EPHB1: variants seen among roughly 807,000 people sequenced by gnomAD.
EPHB1 encodes the protein EPH receptor B1.
Under a neutral mutation model 94.4 loss-of-function variants are expected in EPHB1, and 30 were observed. The observed-to-expected ratio is 0.32, with a 90% CI of 0.24 to 0.43. EPHB1 has a LOEUF of 0.43. Among genes scored for constraint, EPHB1 ranks in the 20% least tolerant of loss-of-function variants. The pLI, the probability that EPHB1 is intolerant of heterozygous loss-of-function variation, is 1.00. For synonymous variants in EPHB1, 522 were observed against 489.1 expected (o/e 1.07, Z -0.89); for missense variants, 1,055 against 1,308.3 (o/e 0.81, Z 2.99).
At chr3:134,801,799 A>G (rs2035939827) in intron 1 of EPHB1, among the ~76,000 whole-genome samples, 1 of 152,052 alleles carries the variant, frequency 6.6e-6, no homozygotes, top group African/African-American at 2.4e-5. Flanking sequence ...GGGGGCATTG[A>G]GTGGTGAGGT....
rs534497179 is a variant in EPHB1, at chr3:135,197,817, G to GT, written c.2131-3646dup. Among the ~76,000 whole-genome samples, 981 of 147,886 alleles carry GT rather than the reference G, an allele frequency of 6.6e-3. 10 individuals carry two copies. The highest frequency in any genetic ancestry group is 0.022 in the African/African-American group (883 of 40,594). ...CCCAAAGTCACCAAGAAATAAGTTAGTTTTTTTTTTTCTTATCTTGTTCAT... is the reference window on the plus strand; with the variant it reads ...CCCAAAGTCACCAAGAAATAAGTTAGTTTTTTTTTTTTCTTATCTTGTTCAT... On this transcript the variant is annotated intron_variant, in intron 11 of 15. Coordinates refer to ENST00000398015, the MANE Select transcript of EPHB1 (RefSeq NM_004441.5).
chr3:135,252,022 T>C (rs1933125087), intron 15 of EPHB1, among the ~76,000 whole-genome samples: 1 of 152,106 alleles, frequency 6.6e-6, no homozygotes, highest in Non-Finnish European at 1.5e-5. Context: ...TGTTTATAAA[T>C]AATTTATAAA....
chr3:134,866,630 T>A lies in EPHB1; in HGVS notation c.59-59186T>A, dbSNP rs553427679. 1.0e-3 allele frequency among the ~76,000 whole-genome samples: 154 copies of A among 152,342 alleles called. 1 individual carries two copies. Among genetic ancestry groups the A allele is most frequent in the South Asian group, 3.9e-3 (19 of 4,824 alleles). On this transcript the variant is annotated intron_variant, in intron 1 of 15. Coordinates refer to ENST00000398015, the MANE Select transcript of EPHB1 (RefSeq NM_004441.5). ...AGCCCTTGCTGATGTCTTTTTCAGG[T>A]TTCCAATGCCAAGGAGGAACTCTGG...
chr3:134,810,016 T>C (rs1371207397), intron 1 of EPHB1, among the ~76,000 whole-genome samples: 6 of 152,226 alleles, frequency 3.9e-5, no homozygotes, highest in African/African-American at 1.4e-4. Context: ...TGCTGCTTCC[T>C]AGTCCTTGCT....
intron 12 of EPHB1, 76 bp downstream of exon 12, chr3:135,201,765 C>A: frequency 7.1e-7 from 1 of 1,400,728 alleles, no homozygotes; most frequent in Non-Finnish European, 9.9e-7. Flanking sequence ...GGAACTGTGA[C>A]AGGGCACACT....
chr3:135,065,737 T>C (rs1258799437), intron 3 of EPHB1, among the ~76,000 whole-genome samples: 1 of 152,218 alleles, frequency 6.6e-6, no homozygotes. Flanking sequence ...ATGCTATTTG[T>C]TGCCTGTGTA....
intron 2 of EPHB1, among the ~76,000 whole-genome samples, chr3:134,945,395 TTTA>T (rs1388832716): frequency 6.6e-6 from 1 of 152,208 alleles, no homozygotes; most frequent in African/African-American, 2.4e-5. Flanking sequence ...TCACCAGAAA[TTTA>T]TTCTGGAGTA....
At chr3:135,004,345 C>G (rs1935305992) in intron 3 of EPHB1, among the ~76,000 whole-genome samples, 1 of 151,776 alleles carries the variant, frequency 6.6e-6, no homozygotes, top group Admixed American at 6.6e-5. Context: ...GTCTGATGGT[C>G]TTCCCTTTGA....
chr3:135,052,973 GT>G (rs1937224258), intron 3 of EPHB1, among the ~76,000 whole-genome samples: 1 of 108,496 alleles, frequency 9.2e-6, no homozygotes, highest in Non-Finnish European at 1.7e-5. Context: ...ATATATATGT[GT>G]ATATATATGT....
chr3:135,228,449 C>G (rs1943452397), intron 12 of EPHB1, among the ~76,000 whole-genome samples: 1 of 152,092 alleles, frequency 6.6e-6, no homozygotes, highest in Non-Finnish European at 1.5e-5. Context: ...TTTATTCCCC[C>G]AAAGCCTTTT....
At position 135,167,016 on chromosome 3, in the gene EPHB1, A is replaced by C. The variant is rs759597162; in HGVS notation, c.1759+10A>C. Reference sequence around the variant, plus strand: ...TACAGCACAGGCCGAGGTAAGTAGAAAGCAGAGACCCGGTGTCTGACCCCC... The same window carrying C: ...TACAGCACAGGCCGAGGTAAGTAGACAGCAGAGACCCGGTGTCTGACCCCC... On this transcript the variant is annotated intron_variant, in intron 9 of 15. Transcript: ENST00000398015. 6.2e-7 allele frequency: 1 copy of C among 1,614,004 alleles called. No homozygotes were observed. The highest frequency in any genetic ancestry group is 8.5e-7 in the Non-Finnish European group (1 of 1,179,912).
At chr3:134,893,416 C>T (rs974334299) in intron 1 of EPHB1, among the ~76,000 whole-genome samples, 8 of 152,140 alleles carry the variant, frequency 5.3e-5, no homozygotes, top group Non-Finnish European at 1.0e-4. Flanking sequence ...CAAAGAACAA[C>T]CTTAATGTGG....
intron 3 of EPHB1, among the ~76,000 whole-genome samples, chr3:135,019,637 C>T (rs1935923558): frequency 6.6e-6 from 1 of 152,174 alleles, no homozygotes; most frequent in Non-Finnish European, 1.5e-5. Context: ...TATGGGATCA[C>T]ATTGTAAGCA....
At chr3:135,124,644 C>T (rs1940123191) in intron 4 of EPHB1, among the ~76,000 whole-genome samples, 1 of 151,730 alleles carries the variant, frequency 6.6e-6, no homozygotes, top group African/African-American at 2.4e-5. Context: ...ATGCCAAAAT[C>T]CAGAATTCAA....
At chr3:135,174,528 G>A (rs1376255021) in intron 9 of EPHB1, among the ~76,000 whole-genome samples, 1 of 152,118 alleles carries the variant, frequency 6.6e-6, no homozygotes, top group Admixed American at 6.5e-5. Context: ...CCAGATGTGG[G>A]CTCCTGATCC....
At chr3:135,212,713 T>C (rs566555537) in intron 12 of EPHB1, among the ~76,000 whole-genome samples, 5 of 152,364 alleles carry the variant, frequency 3.3e-5, no homozygotes, top group Admixed American at 2.0e-4. Flanking sequence ...AGTGGGGTTT[T>C]CTATTGGGGT....
intron 3 of EPHB1, among the ~76,000 whole-genome samples, chr3:134,956,439 G>A (rs1933280244): frequency 6.6e-6 from 1 of 152,108 alleles, no homozygotes; most frequent in Non-Finnish European, 1.5e-5. Flanking sequence ...AATTCTCCCT[G>A]CCATCCTCTC....
chr3:135,047,542 C>T (rs1180701833), intron 3 of EPHB1, among the ~76,000 whole-genome samples: 1 of 152,180 alleles, frequency 6.6e-6, no homozygotes, highest in Admixed American at 6.5e-5. Context: ...ACTGACTGAC[C>T]TATTAACTGC....
intron 3 of EPHB1, among the ~76,000 whole-genome samples, chr3:135,002,671 C>T (rs1935227425): frequency 6.6e-6 from 1 of 152,102 alleles, no homozygotes; most frequent in Non-Finnish European, 1.5e-5. Flanking sequence ...TCAACTTCTT[C>T]CTGGTTTAGT....
Sources: allele counts gnomAD v4.1 joint callset (sites outside exome capture counted in the v4.1 genomes callset), GRCh38; gene constraint gnomAD v4.1.1; transcripts MANE v1.5; gene names NCBI Gene and HGNC (gene_info 2026-07-23, HGNC 2026-07-21).